TBC1D16: variants seen among roughly 807,000 people sequenced by gnomAD.
TBC1D16 encodes the protein CTD-2529O21.1.
Under a neutral mutation model 74.7 loss-of-function variants are expected in TBC1D16, and 58 were observed. The observed-to-expected ratio is 0.78, with a 90% confidence interval of 0.63 to 0.97. The LOEUF (loss-of-function observed/expected upper bound fraction) is 0.97. Ranked by LOEUF, TBC1D16 falls within the 50% of genes least tolerant of loss-of-function variation. The pLI is 0.00. For missense variants in TBC1D16, 1,014 were observed against 1,079.5 expected (o/e 0.94, Z 0.85); for synonymous variants, 493 against 474.7 (o/e 1.04, Z -0.50).
chr17:80,020,909 A>C (rs2036260560), intron 1 of TBC1D16, among the ~76,000 whole-genome samples: 1 of 149,898 alleles, frequency 6.7e-6, no homozygotes, highest in African/African-American at 2.5e-5. Context: ...TAATTCCAAC[A>C]ATTTGGGAGG....
rs2035847910 is a variant in TBC1D16, at chr17:80,010,506, C to T, written c.433G>A (p.Ala145Thr). The T allele has an allele frequency of 1.9e-6, 3 of 1,611,002 alleles. No individual in the cohort carries two copies. Among genetic ancestry groups the T allele is most frequent in the Non-Finnish European group, 2.5e-6 (3 of 1,178,880 alleles). The change falls in exon 3 of 12, where the codon GCC becomes ACC. Residue 145 changes from alanine to threonine, a missense_variant. Coordinates refer to ENST00000310924, the MANE Select transcript of TBC1D16 (RefSeq NM_019020.4). The surrounding 1 kb of genome is among the most constrained non-coding windows in gnomAD (Gnocchi z 8.8). Reference sequence around the variant, plus strand: ...AGCATGCGGTCTGGAACACTCTGGGCCACCACCAGGATGTCCTCATCTTTG... The same window carrying T: ...AGCATGCGGTCTGGAACACTCTGGGTCACCACCAGGATGTCCTCATCTTTG... ...TPKDEDILVV[A>T]QSVPDRMLAS...
rs146344239 is a variant in TBC1D16, at chr17:80,021,612, T to A, written c.-62-8003A>T. 4.9e-3 allele frequency among the ~76,000 whole-genome samples: 737 copies of A among 149,442 alleles called. 81 individuals are homozygous for A. Among genetic ancestry groups the A allele is most frequent in the African/African-American group, 0.017 (681 of 38,964 alleles). On this transcript the variant is annotated intron_variant, in intron 1 of 11. Transcript: ENST00000310924. ...GAACTCTTTATATAGTAAAGATCAC[T>A]ACATACACACCATAGACACACACCA... is the stretch of plus-strand genomic sequence containing the variant.
chr17:80,013,033 A>C (rs2144686367), intron 2 of TBC1D16, among the ~76,000 whole-genome samples: 1 of 152,344 alleles, frequency 6.6e-6, no homozygotes, highest in East Asian at 1.9e-4. Context: ...TTGTTGTGCA[A>C]ATTAAATAAA....
Position 79,981,906 on chromosome 17 carries a change from T to TGCGCACACACACAC in TBC1D16, c.779+28240_779+28253dup, listed in dbSNP as rs2034598597. 6.6e-6 allele frequency among the ~76,000 whole-genome samples: 1 copy of TGCGCACACACACAC among 152,204 alleles called. No homozygotes were observed. Among genetic ancestry groups the TGCGCACACACACAC allele is most frequent in the Non-Finnish European group, 1.5e-5 (1 of 68,042 alleles). ...GACGCGGCCCTCCGGGGCTTCCCTG[T>TGCGCACACACACAC]GCGCACACACACACGCACACACACA... On this transcript the variant is annotated intron_variant, in intron 3 of 11. Coordinates refer to ENST00000310924, the MANE Select transcript of TBC1D16 (RefSeq NM_019020.4). This position sits in a 1 kb window ranked among gnomAD's most constrained non-coding sequence, Gnocchi z 6.9.
At chr17:80,020,251 C>A (rs2036240442) in intron 1 of TBC1D16, among the ~76,000 whole-genome samples, 1 of 149,670 alleles carries the variant, frequency 6.7e-6, no homozygotes, top group Non-Finnish European at 1.5e-5. Flanking sequence ...TTTGTTAGGG[C>A]AGCCCTAGCA....
intron 1 of TBC1D16, among the ~76,000 whole-genome samples, chr17:80,028,892 G>A (rs759736845): frequency 9.9e-5 from 15 of 152,058 alleles, no homozygotes; most frequent in East Asian, 1.9e-4. Context: ...GATTACACGC[G>A]TGAGCCACCG....
At chr17:80,005,274 G>T (rs746743829) in intron 3 of TBC1D16, among the ~76,000 whole-genome samples, 2 of 152,062 alleles carry the variant, frequency 1.3e-5, no homozygotes, top group Non-Finnish European at 2.9e-5. Context: ...TGGTAGAGAC[G>T]GGGTCTCGCT....
chr17:80,005,910 G>A (rs2035655812), intron 3 of TBC1D16, among the ~76,000 whole-genome samples: 1 of 152,150 alleles, frequency 6.6e-6, no homozygotes, highest in Admixed American at 6.5e-5. Flanking sequence ...CCGGGGTGGG[G>A]TGGGGGAGTT....
chr17:80,006,055 A>G (rs759995721), intron 3 of TBC1D16, among the ~76,000 whole-genome samples: 2 of 152,108 alleles, frequency 1.3e-5, no homozygotes, highest in Non-Finnish European at 2.9e-5. Context: ...AATTATTAAT[A>G]GACGCCCCAC....
At chr17:80,013,813 G>A (rs989698232) in intron 1 of TBC1D16, among the ~76,000 whole-genome samples, 3 of 151,980 alleles carry the variant, frequency 2.0e-5, no homozygotes, top group Non-Finnish European at 4.4e-5. Flanking sequence ...AGCGTCCCTC[G>A]CCTCAACCTG....
In TBC1D16 at chr17:80,026,816, G is replaced by A. The variant is rs553844389; in HGVS notation, c.-63+8979C>T. Reference sequence around the variant, plus strand: ...GGGCAAAGAAAACCATTCGTCCTGGGAGGCAAGGAAGCTGGATGTCAGGAA... The same window carrying A: ...GGGCAAAGAAAACCATTCGTCCTGGAAGGCAAGGAAGCTGGATGTCAGGAA... On this transcript the variant is annotated intron_variant, in intron 1 of 11. Coordinates refer to ENST00000310924, the MANE Select transcript of TBC1D16 (RefSeq NM_019020.4). Among the ~76,000 whole-genome samples, 33 of 149,870 alleles carry A rather than the reference G, an allele frequency of 2.2e-4. 6 individuals are homozygous for A. Among genetic ancestry groups the A allele is most frequent in the African/African-American group, 7.9e-4 (31 of 39,264 alleles).
At chr17:80,031,866 T>C (rs541029936) in intron 1 of TBC1D16, among the ~76,000 whole-genome samples, 2 of 152,182 alleles carry the variant, frequency 1.3e-5, no homozygotes, top group Non-Finnish European at 2.9e-5. Context: ...CCTGTAAACA[T>C]GGAGGCCTAA....
chr17:79,947,843 T>C lies in TBC1D16; in HGVS notation c.1542-12A>G. On this transcript the variant is annotated splice_polypyrimidine_tract_variant and intron_variant, in intron 8 of 11. Coordinates refer to ENST00000310924, the MANE Select transcript of TBC1D16 (RefSeq NM_019020.4). ...TCAGCAGGATCCTCCTGGGAGGCGG[T>C]GGAGACAGCAGTGGGTGGGGATGAC... 6.2e-7 allele frequency: 1 copy of C among 1,610,902 alleles called. No individual in the cohort carries two copies. The highest frequency in any genetic ancestry group is 8.5e-7 in the Non-Finnish European group (1 of 1,178,506).
At chr17:79,943,871 C>T (rs1399053638) in intron 10 of TBC1D16, 2 of 1,401,544 alleles carry the variant, frequency 1.4e-6, no homozygotes, top group East Asian at 2.6e-5. Flanking sequence ...GGAAAACGTG[C>T]AATGAGGCAC....
Position 79,937,759 on chromosome 17 carries a change from A to T in TBC1D16, c.*3100T>A, listed in dbSNP as rs1298126758. 1 of 151,764 alleles carries T rather than the reference A, an allele frequency of 6.6e-6. No individual in the cohort carries two copies. The highest frequency in any genetic ancestry group is 1.9e-4 in the East Asian group (1 of 5,144). The allele number at this position is 151,764 out of a possible 1,614,324, so 9.4% of individuals were successfully genotyped here. On this transcript the variant is annotated 3_prime_UTR_variant, in exon 12 of 12. Coordinates refer to ENST00000310924, the MANE Select transcript of TBC1D16 (RefSeq NM_019020.4). ...CTCTGAGTGCTCACCCGACCCCCCA[A>T]CCCTGGCGGGACCTTCCAGGGCTGG...
At chr17:79,978,239 C>T (rs1443294542) in intron 3 of TBC1D16, among the ~76,000 whole-genome samples, 1 of 152,194 alleles carries the variant, frequency 6.6e-6, no homozygotes, top group Non-Finnish European at 1.5e-5. Flanking sequence ...GCGGCATGGG[C>T]GGCACACTCC....
At position 80,000,325 on chromosome 17, in the gene TBC1D16, G is replaced by A. The variant is rs1311722814; in HGVS notation, c.779+9835C>T. On this transcript the variant is annotated intron_variant, in intron 3 of 11. Transcript: ENST00000310924. The surrounding 1 kb of genome is among the most constrained non-coding windows in gnomAD (Gnocchi z 4.1). ...GATGAGGTCACCCTAGATTTGAGTA[G>A]GCCCTATCTAATGACTGGCATCCGT... 6.6e-6 allele frequency among the ~76,000 whole-genome samples: 1 copy of A among 152,156 alleles called. No individual in the cohort carries two copies. Among genetic ancestry groups the A allele is most frequent in the African/African-American group, 2.4e-5 (1 of 41,442 alleles).
Position 79,950,439 on chromosome 17 carries a change from T to C in TBC1D16, c.1229A>G (p.Gln410Arg). 6.2e-7 allele frequency: 1 copy of C among 1,612,526 alleles called. No homozygotes were observed. The highest frequency in any genetic ancestry group is 1.1e-5 in the South Asian group (1 of 90,910). ...AWLNHLNELG[Q>R]VEEEYKLRKA... ...CCGCAGCTTGTACTCCTCCTCCACC[T>C]GGCCCAGCTCATTCAGGTGGTTGAG... Residue 410 changes from glutamine (Q) to arginine (R), a missense_variant, in exon 6 of 12, where the codon CAG (glutamine) becomes CGG (arginine). Coordinates refer to ENST00000310924, the MANE Select transcript of TBC1D16 (RefSeq NM_019020.4). This position sits in a 1 kb window ranked among gnomAD's most constrained non-coding sequence, Gnocchi z 4.6.
chr17:80,026,622 T>C lies in TBC1D16; in HGVS notation c.-63+9173A>G, dbSNP rs1039621698. On this transcript the variant is annotated intron_variant, in intron 1 of 11. Transcript: ENST00000310924. ...GAGCAGAGTCAAAGACAACGTTTGG[T>C]TCCTGGACTGAGAACCCAGCTGCCG... Among the ~76,000 whole-genome samples the C allele has an allele frequency of 1.3e-5, 2 of 149,572 alleles. 1 individual carries two copies. Among genetic ancestry groups the C allele is most frequent in the African/African-American group, 5.1e-5 (2 of 39,096 alleles).
Sources: allele counts gnomAD v4.1 joint callset (sites outside exome capture counted in the v4.1 genomes callset), GRCh38; gene constraint gnomAD v4.1.1; non-coding constraint Gnocchi (gnomAD v3.1); transcripts MANE v1.5; gene names NCBI Gene and HGNC (gene_info 2026-07-23, HGNC 2026-07-21).